PCDHA5: variants seen among roughly 807,000 people sequenced by gnomAD.
PCDHA5 encodes the protein protocadherin alpha-5.
Under a neutral mutation model 61.6 loss-of-function variants are expected in PCDHA5, and 43 were observed. The observed-to-expected ratio is 0.70, with a 90% confidence interval of 0.55 to 0.90. The LOEUF is 0.90. PCDHA5 is among the 40% of genes least tolerant of loss of function. PCDHA5 has a pLI of 0.00. For synonymous variants in PCDHA5, 627 were observed against 543.9 expected (o/e 1.15, Z -2.13); for missense variants, 1,298 against 1,222.7 (o/e 1.06, Z -0.92).
At chr5:140,880,630 C>T (rs2058401400) in intron 1 of PCDHA5, among the ~76,000 whole-genome samples, 2 of 152,122 alleles carry the variant, frequency 1.3e-5, no homozygotes, top group Admixed American at 1.3e-4. Context: ...AGTTAATTAT[C>T]AATTCACTTG....
At chr5:140,932,124 A>G (rs2088056676) in intron 1 of PCDHA5, among the ~76,000 whole-genome samples, 1 of 151,956 alleles carries the variant, frequency 6.6e-6, no homozygotes, top group Admixed American at 6.5e-5. Flanking sequence ...GATAATATTT[A>G]AGATATAAAC....
chr5:141,007,755 CTT>C (rs2098344346), intron 3 of PCDHA5, among the ~76,000 whole-genome samples: 1 of 152,170 alleles, frequency 6.6e-6, no homozygotes, highest in Non-Finnish European at 1.5e-5. Context: ...ACTTTGGACT[CTT>C]ATTGGCCTGG....
Position 140,938,896 on chromosome 5 carries a change from C to T in PCDHA5, c.2353-40053C>T, listed in dbSNP as rs188490743. 3.9e-5 allele frequency among the ~76,000 whole-genome samples: 6 copies of T among 152,036 alleles called. 1 individual carries two copies. The East Asian group carries it at 1.2e-3, about 29-fold the overall frequency. The stretch of plus-strand genomic sequence containing the variant: ...GAAGCAACACACACACACACAGATG[C>T]GCACACACACACACGCACAAGAAAT... On this transcript the variant is annotated intron_variant, in intron 1 of 3. Transcript: ENST00000529859.
chr5:140,855,864 G>A, intron 1 of PCDHA5: 6 of 775,890 alleles, frequency 7.7e-6, no homozygotes, highest in African/African-American at 1.7e-5. Context: ...TGTCGCTGTC[G>A]TCCACAAAAT....
At position 140,864,979 on chromosome 5, in the gene PCDHA5, CTTGAGACCAGGAGT is replaced by C. The variant is rs2153225793; in HGVS notation, c.2352+40863_2352+40876del. 3.3e-5 allele frequency: 5 copies of C among 152,266 alleles called. No homozygotes were observed. In the South Asian group the frequency reaches 1.0e-3, roughly 32 times the overall value. The allele number at this position is 152,266 out of a possible 1,614,324, so 9.4% of individuals were successfully genotyped here. A position where few individuals can be genotyped will look rare whatever the true frequency, so the allele number is the denominator to read the frequency against. On this transcript the variant is annotated intron_variant, in intron 1 of 3. Coordinates refer to ENST00000529859, the MANE Select transcript of PCDHA5 (RefSeq NM_018908.3). ...TTGGGAAGCCGAGGGAGGAGGATCG[CTTGAGACCAGGAGT>C]TTGAGACCAGCCTCGGCAACATAGT...
intron 1 of PCDHA5, among the ~76,000 whole-genome samples, chr5:140,946,338 A>T (rs1042874038): frequency 6.6e-6 from 1 of 151,824 alleles, no homozygotes; most frequent in Non-Finnish European, 1.5e-5. Flanking sequence ...ATAACAAGTG[A>T]TGGAGAGGAT....
At chr5:140,939,262 T>G (rs1371349789) in intron 1 of PCDHA5, among the ~76,000 whole-genome samples, 1 of 152,146 alleles carries the variant, frequency 6.6e-6, no homozygotes, top group Non-Finnish European at 1.5e-5. Context: ...GGAACCTCTT[T>G]TATGAGAGCT....
intron 3 of PCDHA5, among the ~76,000 whole-genome samples, chr5:141,005,404 G>A (rs1265064301): frequency 6.6e-6 from 1 of 152,166 alleles, no homozygotes; most frequent in Non-Finnish European, 1.5e-5. Context: ...CAGACTTGAA[G>A]AGTGAGGAGT....
chr5:140,877,944 A>C (rs538675333), intron 1 of PCDHA5: 48 of 1,359,672 alleles, frequency 3.5e-5, no homozygotes, highest in Non-Finnish European at 4.6e-5. Context: ...CCTTTAAACT[A>C]TCGAATGTCT....
At position 140,883,742 on chromosome 5, in the gene PCDHA5, T is replaced by C. The variant is rs782074620; in HGVS notation, c.2352+59615T>C. 8 of 1,613,220 alleles carry C rather than the reference T, an allele frequency of 5.0e-6. No homozygotes were observed. In the African/African-American group the frequency reaches 8.0e-5, roughly 16 times the overall value. ...CGCACAGGAGAACGCGCTGGTCTCC[T>C]ACTCGCTGGTGGAGCGGCGGGTGGG... On this transcript the variant is annotated intron_variant, in intron 1 of 3. Transcript: ENST00000529859.
At chr5:140,925,082 A>G (rs1362065754) in intron 1 of PCDHA5, among the ~76,000 whole-genome samples, 1 of 147,284 alleles carries the variant, frequency 6.8e-6, no homozygotes, top group African/African-American at 2.6e-5. Context: ...GCTCATCTGG[A>G]AAGGAAGGAA....
At chr5:141,001,032 TTTAA>T (rs1332637304) in intron 3 of PCDHA5, among the ~76,000 whole-genome samples, 3 of 152,348 alleles carry the variant, frequency 2.0e-5, no homozygotes, top group Middle Eastern at 3.4e-3. Flanking sequence ...TAATAATAGC[TTTAA>T]TTAATTGTAA....
intron 1 of PCDHA5, among the ~76,000 whole-genome samples, chr5:140,872,037 G>T (rs1554166004): frequency 1.3e-5 from 2 of 152,238 alleles, no homozygotes; most frequent in African/African-American, 2.4e-5. Context: ...TAAGCTCAAA[G>T]AATTCTCCCA....
intron 1 of PCDHA5, among the ~76,000 whole-genome samples, chr5:140,901,565 G>A (rs1554189898): frequency 6.6e-6 from 1 of 152,062 alleles, no homozygotes; most frequent in African/African-American, 2.4e-5. Context: ...CTATGTGTCT[G>A]TTTTTATGCC....
intron 1 of PCDHA5, among the ~76,000 whole-genome samples, chr5:140,964,454 T>G (rs1392277569): frequency 6.6e-6 from 1 of 152,132 alleles, no homozygotes. Flanking sequence ...CTGTAATCTC[T>G]TCCTTAAGTG....
chr5:140,923,814 A>G (rs1554201602), intron 1 of PCDHA5, among the ~76,000 whole-genome samples: 1 of 152,250 alleles, frequency 6.6e-6, no homozygotes, highest in Non-Finnish European at 1.5e-5. Flanking sequence ...ATCTTCTGAA[A>G]ATAGACGTCA....
At chr5:140,903,917 T>C (rs2070714744) in intron 1 of PCDHA5, among the ~76,000 whole-genome samples, 1 of 152,258 alleles carries the variant, frequency 6.6e-6, no homozygotes, top group Non-Finnish European at 1.5e-5. Flanking sequence ...GTGACTTCCT[T>C]GCTGCATTGG....
At chr5:140,829,006 G>T (rs1461525244) in intron 1 of PCDHA5, 12 of 1,613,634 alleles carry the variant, frequency 7.4e-6, no homozygotes, top group Non-Finnish European at 1.0e-5. Flanking sequence ...TAGTGATTCG[G>T]GGTAATTTGG....
intron 1 of PCDHA5, among the ~76,000 whole-genome samples, chr5:140,924,437 T>C (rs2081836231): frequency 6.6e-6 from 1 of 152,206 alleles, no homozygotes; most frequent in Non-Finnish European, 1.5e-5. Flanking sequence ...CTAGAAGAGA[T>C]AACGAATGGG....
Sources: allele counts gnomAD v4.1 joint callset (sites outside exome capture counted in the v4.1 genomes callset), GRCh38; gene constraint gnomAD v4.1.1; transcripts MANE v1.5; gene names NCBI Gene and HGNC (gene_info 2026-07-23, HGNC 2026-07-21).